CACNA1E: variants seen among roughly 807,000 people sequenced by gnomAD.
The protein encoded by CACNA1E is calcium voltage-gated channel subunit alpha1 E.
In CACNA1E, 40 loss-of-function variants were observed where a neutral mutation model predicts 259.2. That is an observed-to-expected ratio of 0.15 (90% CI 0.12 to 0.20). CACNA1E has a LOEUF of 0.20. Ranked by LOEUF, CACNA1E falls within the 10% of genes least tolerant of loss-of-function variation. CACNA1E has a pLI of 1.00. For missense variants in CACNA1E, 1,874 were observed against 3,040.1 expected (o/e 0.62, Z 9.02); for synonymous variants, 1,104 against 1,138.5 (o/e 0.97, Z 0.61).
At position 181,574,867 on chromosome 1, in the gene CACNA1E, A is replaced by G. The variant is rs187600491; in HGVS notation, c.513-2899A>G. ...TGGTGAAACCCTGTCTCTACTAAAA[A>G]TACAAAAATCAGCCAGGTTTGGTGG... is the stretch of plus-strand genomic sequence containing the variant. On this transcript the variant is annotated intron_variant, in intron 3 of 47. Coordinates refer to ENST00000367573, the MANE Select transcript of CACNA1E (RefSeq NM_001205293.3). Among the ~76,000 whole-genome samples the G allele has an allele frequency of 1.4e-3, 216 of 152,248 alleles. 2 individuals are homozygous for G. Among genetic ancestry groups the G allele is most frequent in the Non-Finnish European group, 2.5e-3 (170 of 68,012 alleles).
intron 7 of CACNA1E, among the ~76,000 whole-genome samples, chr1:181,666,750 ATG>A (rs1054632874): frequency 2.0e-5 from 3 of 151,776 alleles, no homozygotes; most frequent in Non-Finnish European, 4.4e-5. Flanking sequence ...TATATTGTGT[ATG>A]TGTGTGTATA....
At chr1:181,543,008 GT>G (rs5779106) in intron 3 of CACNA1E, among the ~76,000 whole-genome samples, 33,815 of 150,954 alleles carry the variant, frequency 0.22, 4,182 homozygotes, top group African/African-American at 0.32. Flanking sequence ...GTAGTCCATT[GT>G]TTCCTAAACT....
chr1:181,448,542 A>G (rs1237527231), intron 2 of CACNA1E, among the ~76,000 whole-genome samples: 2 of 152,182 alleles, frequency 1.3e-5, no homozygotes, highest in Non-Finnish European at 2.9e-5. Context: ...ATTTAAATGT[A>G]TGTGTTTCCT....
At chr1:181,653,735 G>A (rs565063741) in intron 7 of CACNA1E, among the ~76,000 whole-genome samples, 1 of 152,164 alleles carries the variant, frequency 6.6e-6, no homozygotes, top group South Asian at 2.1e-4. Context: ...TTGGATTTAG[G>A]GTCATTCTGA....
chr1:181,652,734 C>T (rs768152304), intron 7 of CACNA1E, among the ~76,000 whole-genome samples: 12 of 152,138 alleles, frequency 7.9e-5, no homozygotes, highest in Non-Finnish European at 8.8e-5. Flanking sequence ...CCACTATAAC[C>T]TCCAGGCAAT....
At chr1:181,514,780 G>A (rs1348549020) in intron 3 of CACNA1E, among the ~76,000 whole-genome samples, 1 of 152,132 alleles carries the variant, frequency 6.6e-6, no homozygotes, top group Non-Finnish European at 1.5e-5. Flanking sequence ...ATTGATCTTT[G>A]CTGAGAGATG....
intron 2 of CACNA1E, among the ~76,000 whole-genome samples, chr1:181,419,329 G>A (rs1231401744): frequency 1.3e-5 from 2 of 152,106 alleles, no homozygotes; most frequent in East Asian, 3.9e-4. Flanking sequence ...TGCCTTGAAT[G>A]TACTCAGACC....
intron 1 of CACNA1E, among the ~76,000 whole-genome samples, chr1:181,370,652 T>C (rs181799890): frequency 1.3e-5 from 2 of 152,340 alleles, no homozygotes; most frequent in Admixed American, 1.3e-4. Context: ...GGTGTATACA[T>C]ACCATATTTT....
intron 38 of CACNA1E, among the ~76,000 whole-genome samples, chr1:181,780,295 T>C (rs996525615): frequency 1.4e-4 from 22 of 152,294 alleles, no homozygotes; most frequent in Admixed American, 5.9e-4. Context: ...CCAAGTCACT[T>C]CTTGTCAGTT....
chr1:181,457,292 A>G (rs771209525), intron 2 of CACNA1E, among the ~76,000 whole-genome samples: 2 of 152,244 alleles, frequency 1.3e-5, no homozygotes, highest in African/African-American at 2.4e-5. Context: ...TCACTTCCCA[A>G]AGGCCCCACC....
At chr1:181,669,333 A>G (rs1648561400) in intron 7 of CACNA1E, among the ~76,000 whole-genome samples, 1 of 152,114 alleles carries the variant, frequency 6.6e-6, no homozygotes, top group Non-Finnish European at 1.5e-5. Context: ...CCTCAATTCA[A>G]CGATTCCTCT....
At chr1:181,519,991 C>A (rs898928858) in intron 3 of CACNA1E, among the ~76,000 whole-genome samples, 1 of 152,044 alleles carries the variant, frequency 6.6e-6, no homozygotes, top group Non-Finnish European at 1.5e-5. Context: ...GAAGGTAAAA[C>A]CTGCTGTAGC....
chr1:181,520,334 T>C (rs1666901455), intron 3 of CACNA1E, among the ~76,000 whole-genome samples: 1 of 149,468 alleles, frequency 6.7e-6, no homozygotes, highest in Admixed American at 6.7e-5. Flanking sequence ...ACTGCCAAAG[T>C]GTTTTGCAAA....
chr1:181,714,237 T>C (rs1572679504), intron 8 of CACNA1E, among the ~76,000 whole-genome samples: 1 of 152,248 alleles, frequency 6.6e-6, no homozygotes, highest in East Asian at 1.9e-4. Flanking sequence ...TTCAGTAATT[T>C]GTTAGAATGA....
chr1:181,586,162 A>T (rs1413176345), intron 6 of CACNA1E, among the ~76,000 whole-genome samples: 2 of 152,198 alleles, frequency 1.3e-5, no homozygotes, highest in African/African-American at 4.8e-5. Context: ...ATTGAATATG[A>T]GTTTGGGAGA....
At chr1:181,598,454 G>A (rs1252088966) in intron 6 of CACNA1E, among the ~76,000 whole-genome samples, 1 of 152,166 alleles carries the variant, frequency 6.6e-6, no homozygotes, top group Admixed American at 6.5e-5. Flanking sequence ...AAGGAGATCA[G>A]GACCTGGGCA....
chr1:181,530,792 C>T (rs1012099133), intron 3 of CACNA1E, among the ~76,000 whole-genome samples: 2 of 152,110 alleles, frequency 1.3e-5, no homozygotes, highest in Admixed American at 6.5e-5. Context: ...ATGGGTGCTG[C>T]AGAGAAGAGA....
At chr1:181,505,519 G>A (rs990122961) in intron 1 of CACNA1E, among the ~76,000 whole-genome samples, 12 of 152,070 alleles carry the variant, frequency 7.9e-5, no homozygotes, top group Middle Eastern at 3.4e-3. Flanking sequence ...CTACAGGTGC[G>A]TGCCACCATG....
intron 17 of CACNA1E, among the ~76,000 whole-genome samples, chr1:181,725,830 G>A (rs1327307209): frequency 2.0e-5 from 3 of 152,234 alleles, no homozygotes; most frequent in African/African-American, 7.2e-5. Context: ...GCTCCAGGAT[G>A]GAGACAGGGA....
Sources: gnomAD v4.1 joint callset for allele counts (sites outside exome capture counted in the v4.1 genomes callset) on GRCh38, gnomAD v4.1.1 for gene constraint, MANE v1.5 for transcripts, NCBI Gene and HGNC (gene_info 2026-07-23, HGNC 2026-07-21) for gene names.